UBR4: variants seen among roughly 807,000 people sequenced by gnomAD.
The protein encoded by UBR4 is ubiquitin protein ligase E3 component n-recognin 4, also known as E3 ubiquitin-protein ligase UBR4.
UBR4 carries 124 observed loss-of-function variants against 575.6 expected under a neutral mutation model. The observed-to-expected ratio is 0.22, with a 90% CI of 0.19 to 0.25. The LOEUF (loss-of-function observed/expected upper bound fraction) is 0.25, where lower values mean the gene tolerates loss of function less well. UBR4 is among the 10% of genes least tolerant of loss of function. The pLI, the probability that UBR4 is intolerant of heterozygous loss-of-function variation, is 1.00. For synonymous variants in UBR4, 2,455 were observed against 2,473.7 expected (o/e 0.99, Z 0.22); for missense variants, 4,818 against 6,478.8 (o/e 0.74, Z 8.80).
At chr1:19,083,394 T>G (rs1372622303) in intron 102 of UBR4, among the ~76,000 whole-genome samples, 5 of 152,374 alleles carry the variant, frequency 3.3e-5, no homozygotes, top group Non-Finnish European at 7.3e-5. Context: ...CAGATTGTCC[T>G]GTTGCCTAAA....
At chr1:19,172,620 T>C (rs1446615060) in intron 25 of UBR4, among the ~76,000 whole-genome samples, 2 of 152,208 alleles carry the variant, frequency 1.3e-5, no homozygotes, top group Admixed American at 1.3e-4. Flanking sequence ...TTTCTCTGTA[T>C]CCTACGAGTA....
At chr1:19,201,289 T>A (rs1181635012) in intron 2 of UBR4, among the ~76,000 whole-genome samples, 1 of 152,128 alleles carries the variant, frequency 6.6e-6, no homozygotes, top group Non-Finnish European at 1.5e-5. Flanking sequence ...TGAAATCCCT[T>A]CATATACCAG....
chr1:19,154,925 T>A lies in UBR4; in HGVS notation c.6451A>T (p.Ile2151Phe). Residue 2151 changes from isoleucine to phenylalanine, a missense_variant, in exon 44 of 106, where the codon ATC (isoleucine) becomes TTC (phenylalanine). Around this residue, in one of 29 missense-constraint regions of UBR4, gnomAD observed 461 missense variants for 606.9 expected, o/e 0.76. Transcript: ENST00000375254. ...LEVLQLFPIN[I>F]KSSNGGSKTS... ...TTAAATGTTCATTCCCACCTTTTGA[T>A]GTTGATGGGGAAGAGTTGCAACACC... The A allele has an allele frequency of 6.2e-7, 1 of 1,614,164 alleles. No individual in the cohort carries two copies. The highest frequency in any genetic ancestry group is 8.5e-7 in the Non-Finnish European group (1 of 1,180,008).
At position 19,139,207 on chromosome 1, in the gene UBR4, G is replaced by A. The variant is rs1194623726; in HGVS notation, c.8607C>T (p.Asp2869=). 3.1e-6 allele frequency: 5 copies of A among 1,610,376 alleles called. No individual in the cohort carries two copies. The highest frequency in any genetic ancestry group is 2.2e-5 in the South Asian group (2 of 90,596). The stretch of plus-strand genomic sequence containing the variant: ...CTGTCGCTGCTGTACTGCCCTCGTC[G>A]TCTGAGGCTGGAGCTGAGAGAGTAA... ...SDTTASAPAS[D]DEGSTAATDG... Residue 2869 remains aspartate, a synonymous_variant, in exon 59 of 106, where the codon GAC becomes GAT. Coordinates refer to ENST00000375254, the MANE Select transcript of UBR4 (RefSeq NM_020765.3). The surrounding 1 kb of genome is among the most constrained non-coding windows in gnomAD (Gnocchi z 4.2).
chr1:19,178,394 C>T (rs1401731648), intron 18 of UBR4, among the ~76,000 whole-genome samples: 1 of 152,164 alleles, frequency 6.6e-6, no homozygotes, highest in Non-Finnish European at 1.5e-5. Flanking sequence ...GTGTGTTTAA[C>T]AAGGGTTTCC....
At chr1:19,129,505 C>G (rs765071964) in intron 60 of UBR4, among the ~76,000 whole-genome samples, 5 of 152,210 alleles carry the variant, frequency 3.3e-5, no homozygotes, top group Non-Finnish European at 5.9e-5. Context: ...TATCACCCAG[C>G]TGCACAGTGA....
rs773160346 is a variant in UBR4, at chr1:19,170,822, G to A, written c.3583C>T (p.Leu1195=). 3.1e-6 allele frequency: 5 copies of A among 1,614,092 alleles called. No homozygotes were observed. The highest frequency in any genetic ancestry group is 2.2e-5 in the South Asian group (2 of 91,084). The change falls in exon 26 of 106, where the codon CTG becomes TTG. Residue 1195 remains leucine (L), a synonymous_variant. Transcript: ENST00000375254. ...GTTEKPSKEK[L]QGFAAVLAIG... Reference sequence around the variant, plus strand: ...GCCAAAACAGCAGCAAAGCCTTGCAGTTTCTCCTTGGAAGGTTTCTCAGTT... The same window carrying A: ...GCCAAAACAGCAGCAAAGCCTTGCAATTTCTCCTTGGAAGGTTTCTCAGTT...
At position 19,173,492 on chromosome 1, in the gene UBR4, T is replaced by A. The variant is rs571237637; in HGVS notation, c.3112A>T (p.Thr1038Ser). ...CGGAGCCGAGAAGACCATCGCAGAG[T>A]GTGCAAGATGTCACATTCGCTCATC... Reference protein sequence around the residue: ...PEMSECDILHTLRWSSRLRIS... With the variant: ...PEMSECDILHSLRWSSRLRIS... The change falls in exon 23 of 106, where the codon ACT (threonine) becomes TCT (serine). Residue 1038 changes from threonine (T) to serine (S), a missense_variant. By Grantham distance (58) the Thr-to-Ser change is moderately conservative (BLOSUM62 1). Coordinates refer to ENST00000375254, the MANE Select transcript of UBR4 (RefSeq NM_020765.3). 8.9e-5 allele frequency: 144 copies of A among 1,613,968 alleles called. No homozygotes were observed. The highest frequency in any genetic ancestry group is 1.2e-4 in the Non-Finnish European group (140 of 1,180,026).
At chr1:19,130,129 T>C (rs1319172803) in intron 60 of UBR4, among the ~76,000 whole-genome samples, 1 of 152,138 alleles carries the variant, frequency 6.6e-6, no homozygotes, top group Non-Finnish European at 1.5e-5. Context: ...GAAGGGAGGA[T>C]TGGTTGAGCC....
chr1:19,076,789 C>G lies in UBR4; in HGVS notation c.15438G>C (p.Gln5146His). The part of the protein sequence containing the change: ...EAADKALKTF[Q>H]EEFMPVETFS... Reference sequence around the variant, plus strand: ...AGGTCTCCACTGGCATGAACTCCTCCTGGAAGGTTTTCAGGGCTTTGTCGG... The same window carrying G: ...AGGTCTCCACTGGCATGAACTCCTCGTGGAAGGTTTTCAGGGCTTTGTCGG... Residue 5146 changes from glutamine (Q) to histidine (H), a missense_variant, in exon 105 of 106, where the codon CAG (glutamine) becomes CAC (histidine). Coordinates refer to ENST00000375254, the MANE Select transcript of UBR4 (RefSeq NM_020765.3). The G allele has an allele frequency of 6.2e-7, 1 of 1,614,050 alleles. No homozygotes were observed. Among genetic ancestry groups the G allele is most frequent in the Non-Finnish European group, 8.5e-7 (1 of 1,179,978 alleles).
rs368749396 is a variant in UBR4 at position 19,201,406 on chromosome 1, GA to G, written c.274+311del. Among the ~76,000 whole-genome samples, 1,295 of 152,270 alleles carry G rather than the reference GA, an allele frequency of 8.5e-3. 6 individuals carry two copies. Among genetic ancestry groups the G allele is most frequent in the Middle Eastern group, 0.024 (7 of 294 alleles). ...TATCCACCACCGCCTTCCCCCCAGG[GA>G]AATTAACACACCAGTAATTACATGA... On this transcript the variant is annotated intron_variant, in intron 2 of 105. Coordinates refer to ENST00000375254, the MANE Select transcript of UBR4 (RefSeq NM_020765.3).
chr1:19,100,724 G>T lies in UBR4; in HGVS notation c.13024-151C>A. On this transcript the variant is annotated intron_variant, in intron 88 of 105. Coordinates refer to ENST00000375254, the MANE Select transcript of UBR4 (RefSeq NM_020765.3). This position sits in a 1 kb window ranked among gnomAD's most constrained non-coding sequence, Gnocchi z 4.2. ...GATACAAAGGACAGGAAACTCAGAG[G>T]TACTTCCAAAAATCTAAACAAACTC... is the stretch of plus-strand genomic sequence containing the variant. 1.4e-6 allele frequency: 1 copy of T among 730,970 alleles called. No homozygotes were observed. Among genetic ancestry groups the T allele is most frequent in the Non-Finnish European group, 2.2e-6 (1 of 452,756 alleles). The allele number at this position is 730,970 out of a possible 1,614,324, so 45.3% of individuals were successfully genotyped here. A position where few individuals can be genotyped will look rare whatever the true frequency, so the allele number is the denominator to read the frequency against.
rs2149377603 is a variant in UBR4, at chr1:19,115,459, G to A, written c.11002C>T (p.Pro3668Ser). 6.2e-7 allele frequency: 1 copy of A among 1,614,144 alleles called. No individual in the cohort carries two copies. Among genetic ancestry groups the A allele is most frequent in the South Asian group, 1.1e-5 (1 of 91,074 alleles). ...TTGCCACAGACTCCTGGGTTGGCAG[G>A]GACCGAGGCACTACAGCGAGGGCAC... Reference protein sequence around the residue: ...LQCPRCSASVPANPGVCGNCG... With the variant: ...LQCPRCSASVSANPGVCGNCG... Residue 3668 changes from proline to serine, a missense_variant, in exon 74 of 106, where the codon CCT becomes TCT. Pro to Ser is a moderately conservative substitution (Grantham distance 74). This residue lies in a region of UBR4 where 10 missense variants were observed against 65.4 expected (regional missense o/e 0.15). Transcript: ENST00000375254.
chr1:19,138,203 A>T (rs2083410329), intron 59 of UBR4, 22 bp from the exon 60 acceptor site: 1 of 1,481,660 alleles, frequency 6.7e-7, no homozygotes, highest in African/African-American at 1.4e-5. Context: ...TGGTTTAAAA[A>T]GCACAAATCA....
intron 51 of UBR4, 28 bp from the exon 52 acceptor site, chr1:19,147,028 C>A: frequency 1.3e-6 from 2 of 1,551,454 alleles, no homozygotes; most frequent in South Asian, 1.2e-5. Context: ...CACAGAGGGT[C>A]AGCCATAAGC....
chr1:19,205,965 T>C (rs1356849460), intron 1 of UBR4, among the ~76,000 whole-genome samples: 1 of 152,188 alleles, frequency 6.6e-6, no homozygotes, highest in Non-Finnish European at 1.5e-5. Flanking sequence ...ATGATAACCA[T>C]GCTCACCAGC....
In UBR4 at chr1:19,193,469, G is replaced by A; in HGVS notation, c.1107C>T (p.Asp369=). 4 of 1,614,142 alleles carry A rather than the reference G, an allele frequency of 2.5e-6. No homozygotes were observed. The highest frequency in any genetic ancestry group is 3.4e-6 in the Non-Finnish European group (4 of 1,180,014). The change falls in exon 9 of 106, where the codon GAC becomes GAT. Residue 369 remains aspartate (D), a synonymous_variant. Transcript: ENST00000375254. ...CAATTGTAGCTGCGTCACTTTCATA[G>A]TCATCTTCTTTGGAGCTCGTGGACC... ...RTGSTSSKED[D]YESDAATIVQ... is the part of the protein sequence containing the mutation.
intron 55 of UBR4, among the ~76,000 whole-genome samples, chr1:19,142,465 TC>T (rs1311495195): frequency 6.6e-6 from 1 of 152,192 alleles, no homozygotes; most frequent in Non-Finnish European, 1.5e-5. Flanking sequence ...ATAAACTATC[TC>T]CACTCTAGGT....
At chr1:19,121,016 TG>T (rs1365460159) in intron 68 of UBR4, among the ~76,000 whole-genome samples, 172 bp downstream of exon 68, 1 of 152,206 alleles carries the variant, frequency 6.6e-6, no homozygotes, top group Non-Finnish European at 1.5e-5. Flanking sequence ...CTGTTTAAGG[TG>T]TCACTTCAGT....
Sources: allele counts gnomAD v4.1 joint callset (sites outside exome capture counted in the v4.1 genomes callset), GRCh38; gene constraint gnomAD v4.1.1; regional missense constraint gnomAD v4.1.1; non-coding constraint Gnocchi (gnomAD v3.1); transcripts MANE v1.5; gene names NCBI Gene and HGNC (gene_info 2026-07-23, HGNC 2026-07-21).